The following SOS2 variants were observed in gnomAD, a reference collection of about 807,000 sequenced individuals.
The protein encoded by SOS2 is son of sevenless homolog 2.
A neutral mutation model predicts 148.2 loss-of-function variants in SOS2; 65 were observed. The ratio of observed to expected loss-of-function variants is 0.44; its 90% CI spans 0.36 to 0.54. SOS2 has a LOEUF of 0.54. Ranked by LOEUF, SOS2 falls within the 20% of genes least tolerant of loss-of-function variation. The pLI is 0.00. For missense variants in SOS2, 1,341 were observed against 1,590.2 expected, an observed-to-expected ratio of 0.84 and a Z score of 2.67; for synonymous variants, 539 against 537.1, an observed-to-expected ratio of 1.00 and a Z score of -0.05.
rs55847805 is a variant in SOS2, at chr14:50,180,391, C to A, written c.969+181G>T. 4.8e-3 allele frequency among the ~76,000 whole-genome samples: 712 copies of A among 148,484 alleles called. 4 individuals carry two copies. The highest frequency in any genetic ancestry group is 0.016 in the African/African-American group (648 of 40,070). ...GATGTTGTACTATAAAAGATTTCTA[C>A]AATAAGAACAGACAGAACTCCAGAG... On this transcript the variant is annotated intron_variant, in intron 7 of 22. Transcript: ENST00000216373.
chr14:50,145,488 G>T lies in SOS2; in HGVS notation c.2493C>A (p.Leu831=), dbSNP rs1252086660. 1.2e-6 allele frequency: 2 copies of T among 1,602,434 alleles called. No homozygotes were observed. Among genetic ancestry groups the T allele is most frequent in the African/African-American group, 2.7e-5 (2 of 74,370 alleles). ...AAATTAAAACTTACTTTTCAAACCA[G>T]AGGGTGAGATTTGTGGTATGGCGAA... ...KMIRHTTNLT[L]WFEKCIVEAE... The change falls in exon 15 of 23, where the codon CTC becomes CTA. Residue 831 remains leucine (L), a synonymous_variant. Coordinates refer to ENST00000216373, the MANE Select transcript of SOS2 (RefSeq NM_006939.4).
chr14:50,217,475 G>C (rs1303626945), intron 1 of SOS2, among the ~76,000 whole-genome samples: 3 of 152,056 alleles, frequency 2.0e-5, no homozygotes, highest in African/African-American at 7.2e-5. Context: ...AAGGACAAAG[G>C]ATCACTTTAG....
At chr14:50,161,789 CTTTTTTTTT>C in intron 8 of SOS2, among the ~76,000 whole-genome samples, 180 bp from the exon 9 acceptor site, 1 of 135,312 alleles carries the variant, frequency 7.4e-6, no homozygotes, top group Non-Finnish European at 1.6e-5. Context: ...CTTTTTCTTT[CTTTTTTTTT>C]TTTTTTTTTG....
At chr14:50,176,707 G>A (rs921374645) in intron 7 of SOS2, among the ~76,000 whole-genome samples, 2 of 152,198 alleles carry the variant, frequency 1.3e-5, no homozygotes, top group Non-Finnish European at 2.9e-5. Context: ...AATTGCTCAA[G>A]GTAACACAAC....
At chr14:50,220,850 A>C (rs1887182581) in intron 1 of SOS2, among the ~76,000 whole-genome samples, 1 of 152,236 alleles carries the variant, frequency 6.6e-6, no homozygotes, top group Admixed American at 6.5e-5. Flanking sequence ...TTTTCTTTGA[A>C]TGGCCTATGA....
At chr14:50,157,382 G>T (rs1256137531) in intron 11 of SOS2, among the ~76,000 whole-genome samples, 2 of 152,066 alleles carry the variant, frequency 1.3e-5, no homozygotes, top group East Asian at 1.9e-4. Context: ...GCCAAGGAAA[G>T]AATTCATAAG....
At chr14:50,171,728 GATGA>G (rs560959118) in intron 8 of SOS2, among the ~76,000 whole-genome samples, 70 of 149,794 alleles carry the variant, frequency 4.7e-4, no homozygotes, top group African/African-American at 1.7e-3. Context: ...TCTATCAACA[GATGA>G]ATGGATAAAT....
At position 50,167,867 on chromosome 14, in the gene SOS2, C is replaced by CA. The variant is rs994488707; in HGVS notation, c.1069-6259dup. On this transcript the variant is annotated intron_variant, in intron 8 of 22. Transcript: ENST00000216373. ...TGGGCGATACAGTGAGACTCTGTCT[C>CA]AAAAAAAAAAAAGAAAAAAAAAGTG... Among the ~76,000 whole-genome samples, 619 of 115,908 alleles carry CA rather than the reference C, an allele frequency of 5.3e-3. 2 individuals are homozygous for CA. Among genetic ancestry groups the CA allele is most frequent in the African/African-American group, 0.017 (523 of 31,040 alleles). 76.0% of individuals were successfully genotyped at this position (115,908 alleles called of 152,430 possible).
At chr14:50,229,565 T>C (rs1314334403) in intron 1 of SOS2, among the ~76,000 whole-genome samples, 1 of 151,504 alleles carries the variant, frequency 6.6e-6, no homozygotes, top group African/African-American at 2.4e-5. Context: ...TCCCAACAGT[T>C]TGGAAGGCAG....
At chr14:50,225,251 G>C (rs115942875) in intron 1 of SOS2, among the ~76,000 whole-genome samples, 1,702 of 152,126 alleles carry the variant, frequency 0.011, 35 homozygotes, top group African/African-American at 0.039. Flanking sequence ...TACTGCACCT[G>C]GCCCATGGAA....
intron 21 of SOS2, among the ~76,000 whole-genome samples, chr14:50,128,255 C>T (rs776019527): frequency 6.0e-5 from 9 of 150,200 alleles, no homozygotes; most frequent in African/African-American, 1.7e-4. Context: ...CAAACTGGAA[C>T]GGGGGACAAA....
chr14:50,200,974 G>T lies in SOS2; in HGVS notation c.324C>A (p.Asp108Glu), dbSNP rs754449669. ...KRRNPLLLPVDKIHPSLKEVL... is the reference protein window; with the variant it reads ...KRRNPLLLPVEKIHPSLKEVL... ...TTACCTTCAACGAAGGATGGATTTT[G>T]TCCACAGGCAGTAAAAGAGGATTTC... The change falls in exon 3 of 23, where the codon GAC (aspartate) becomes GAA (glutamate). Residue 108 changes from aspartate to glutamate, a missense_variant. Physicochemically the swap from Asp to Glu is conservative, Grantham distance 45. Around this residue, in one of 4 missense-constraint regions of SOS2, gnomAD observed 574 missense variants for 711.1 expected, o/e 0.81. Transcript: ENST00000216373. 6 of 1,613,760 alleles carry T rather than the reference G, an allele frequency of 3.7e-6. No homozygotes were observed. Among genetic ancestry groups the T allele is most frequent in the Non-Finnish European group, 4.2e-6 (5 of 1,179,900 alleles).
chr14:50,226,547 C>A (rs1196802899), intron 1 of SOS2, among the ~76,000 whole-genome samples: 2 of 152,188 alleles, frequency 1.3e-5, no homozygotes, highest in African/African-American at 4.8e-5. Flanking sequence ...TATTAATTAA[C>A]CCAGACATTC....
At chr14:50,177,242 C>T (rs1018830728) in intron 7 of SOS2, among the ~76,000 whole-genome samples, 1 of 152,056 alleles carries the variant, frequency 6.6e-6, no homozygotes, top group Non-Finnish European at 1.5e-5. Flanking sequence ...ATCGCTTTAA[C>T]CCGGGAGGCG....
At chr14:50,142,439 C>T (rs1387964696) in intron 16 of SOS2, among the ~76,000 whole-genome samples, 1 of 151,996 alleles carries the variant, frequency 6.6e-6, no homozygotes, top group Non-Finnish European at 1.5e-5. Context: ...CTAATAACAA[C>T]CCACTAAAAA....
intron 1 of SOS2, among the ~76,000 whole-genome samples, chr14:50,207,346 C>G (rs934398950): frequency 6.6e-6 from 1 of 151,590 alleles, no homozygotes; most frequent in East Asian, 2.0e-4. Context: ...GACCTCATCT[C>G]TCCAAAATAA....
chr14:50,170,255 A>G (rs915079684), intron 8 of SOS2, among the ~76,000 whole-genome samples: 2 of 152,098 alleles, frequency 1.3e-5, no homozygotes, highest in Non-Finnish European at 2.9e-5. Context: ...TTTTAGATAA[A>G]TTTCTACAAA....
In SOS2 at chr14:50,159,499, C is replaced by T. The variant is rs1373935531; in HGVS notation, c.1784G>A (p.Gly595Asp). 2 of 1,612,568 alleles carry T rather than the reference C, an allele frequency of 1.2e-6. No individual in the cohort carries two copies. Among genetic ancestry groups the T allele is most frequent in the Non-Finnish European group, 1.7e-6 (2 of 1,178,828 alleles). ...VFEDNLQSRS[G>D]IPIIKGGTVV... The stretch of plus-strand genomic sequence containing the variant: ...AGTTCCTCCTTTAATAATGGGGATG[C>T]CACTTCTACTTTGCAAGTTGTCTTC... Residue 595 changes from glycine to aspartate, a missense_variant, in exon 10 of 23, where the codon GGC becomes GAC. By Grantham distance (94) the Gly-to-Asp change is moderately conservative. Transcript: ENST00000216373.
At chr14:50,187,998 A>C (rs897793446) in intron 5 of SOS2, among the ~76,000 whole-genome samples, 5 of 152,186 alleles carry the variant, frequency 3.3e-5, no homozygotes, top group Non-Finnish European at 7.3e-5. Context: ...CCTCCTTCTA[A>C]TTTTGTGCCT....
Sources: allele counts gnomAD v4.1 joint callset (sites outside exome capture counted in the v4.1 genomes callset), GRCh38; gene constraint gnomAD v4.1.1; regional missense constraint gnomAD v4.1.1; transcripts MANE v1.5; gene names NCBI Gene and HGNC (gene_info 2026-07-23, HGNC 2026-07-21).